GABRB1: variants seen among roughly 807,000 people sequenced by gnomAD.
GABRB1 encodes gamma-aminobutyric acid receptor subunit beta-1.
In GABRB1, 17 loss-of-function variants were observed where a neutral mutation model predicts 51.6. That is an observed-to-expected ratio of 0.33 (90% CI 0.23 to 0.49). The LOEUF (loss-of-function observed/expected upper bound fraction) is 0.49, where lower values mean the gene tolerates loss of function less well. Among genes scored for constraint, GABRB1 ranks in the 20% least tolerant of loss-of-function variants. GABRB1 has a pLI of 0.99. For missense variants in GABRB1, 410 were observed against 600.6 expected, an observed-to-expected ratio of 0.68 and a Z score of 3.32; for synonymous variants, 247 against 218.9, an observed-to-expected ratio of 1.13 and a Z score of -1.14.
chr4:47,097,676 T>G (rs1714514491), intron 3 of GABRB1, among the ~76,000 whole-genome samples: 2 of 152,220 alleles, frequency 1.3e-5, no homozygotes, highest in African/African-American at 4.8e-5. Flanking sequence ...TAGTAGGTGC[T>G]TAATACATAT....
At chr4:47,042,106 A>T (rs1725870391) in intron 3 of GABRB1, among the ~76,000 whole-genome samples, 2 of 151,980 alleles carry the variant, frequency 1.3e-5, no homozygotes, top group African/African-American at 4.8e-5. Flanking sequence ...TATATTCTTC[A>T]TATTCTCTAT....
chr4:47,342,164 T>C (rs1464090885), intron 5 of GABRB1, among the ~76,000 whole-genome samples: 2 of 152,194 alleles, frequency 1.3e-5, no homozygotes, highest in African/African-American at 4.8e-5. Flanking sequence ...TCATTTACTT[T>C]TTCTTTTTTT....
intron 4 of GABRB1, among the ~76,000 whole-genome samples, chr4:47,317,045 C>G (rs762523762): frequency 2.0e-5 from 3 of 151,870 alleles, no homozygotes; most frequent in Non-Finnish European, 2.9e-5. Flanking sequence ...GGTCCCTTAT[C>G]AAATTTGTAA....
chr4:47,281,684 T>C (rs1723299376), intron 4 of GABRB1, among the ~76,000 whole-genome samples: 1 of 152,176 alleles, frequency 6.6e-6, no homozygotes, highest in Non-Finnish European at 1.5e-5. Context: ...CAAAAGGTGG[T>C]ATATATACAC....
chr4:47,294,604 A>G (rs573987773), intron 4 of GABRB1, among the ~76,000 whole-genome samples: 16 of 152,322 alleles, frequency 1.1e-4, no homozygotes, highest in African/African-American at 3.6e-4. Flanking sequence ...GCAGCCGGGA[A>G]GCTCGAATTG....
intron 3 of GABRB1, among the ~76,000 whole-genome samples, chr4:47,117,036 A>G (rs939742712): frequency 1.3e-4 from 20 of 152,126 alleles, no homozygotes; most frequent in African/African-American, 4.8e-4. Context: ...CTGCCAGGCC[A>G]TTCCTCCAAC....
chr4:47,272,552 G>A (rs1028075998), intron 4 of GABRB1, among the ~76,000 whole-genome samples: 1 of 151,802 alleles, frequency 6.6e-6, no homozygotes, highest in African/African-American at 2.4e-5. Context: ...AATTATAACT[G>A]GTAATTACAG....
intron 3 of GABRB1, among the ~76,000 whole-genome samples, chr4:47,038,692 C>T (rs1452715020): frequency 6.6e-6 from 1 of 152,114 alleles, no homozygotes; most frequent in Admixed American, 6.5e-5. Context: ...TGATTTTTGC[C>T]TTGGCAAGCC....
chr4:47,254,334 A>G (rs1722101419), intron 4 of GABRB1, among the ~76,000 whole-genome samples: 1 of 140,912 alleles, frequency 7.1e-6, no homozygotes, highest in African/African-American at 2.7e-5. Context: ...CCTGGAATAT[A>G]CATGGTGGAT....
chr4:47,011,231 GC>G (rs941446213), intron 1 of GABRB1, among the ~76,000 whole-genome samples: 3 of 152,220 alleles, frequency 2.0e-5, no homozygotes, highest in Admixed American at 1.3e-4. Context: ...TTCCTGTTTT[GC>G]CCAAGACCTC....
At chr4:47,209,450 T>C (rs561286153) in intron 4 of GABRB1, among the ~76,000 whole-genome samples, 77 of 152,296 alleles carry the variant, frequency 5.1e-4, no homozygotes, top group African/African-American at 1.8e-3. Flanking sequence ...TATTCCAAAT[T>C]ATTCAGTAAT....
intron 5 of GABRB1, among the ~76,000 whole-genome samples, chr4:47,378,432 TCTCCCTCCACAC>T (rs1396353547): frequency 6.6e-6 from 1 of 151,530 alleles, no homozygotes; most frequent in Non-Finnish European, 1.5e-5. Flanking sequence ...CGCCCACACC[TCTCCCTCCACAC>T]CTCCCTGCAA....
chr4:47,092,554 G>A (rs749809670), intron 3 of GABRB1, among the ~76,000 whole-genome samples: 29 of 151,364 alleles, frequency 1.9e-4, no homozygotes, highest in African/African-American at 6.6e-4. Context: ...AGGAAAGAAG[G>A]AATTTGTGAA....
chr4:47,333,206 A>G (rs1161454369), intron 5 of GABRB1, among the ~76,000 whole-genome samples: 26 of 10,220 alleles, frequency 2.5e-3, no homozygotes, highest in African/African-American at 7.7e-3. Context: ...ATATATATAT[A>G]TATATATATA....
At chr4:47,079,938 T>G (rs1302761800) in intron 3 of GABRB1, among the ~76,000 whole-genome samples, 3 of 151,888 alleles carry the variant, frequency 2.0e-5, no homozygotes, top group Admixed American at 2.0e-4. Context: ...ACATGGCACA[T>G]GTATACATAT....
chr4:47,012,940 C>A (rs956936827), intron 1 of GABRB1, among the ~76,000 whole-genome samples: 1 of 152,208 alleles, frequency 6.6e-6, no homozygotes, highest in Non-Finnish European at 1.5e-5. Flanking sequence ...TATTCCACAA[C>A]AGATTCTGCC....
At chr4:47,343,510 G>A (rs1725978740) in intron 5 of GABRB1, among the ~76,000 whole-genome samples, 1 of 152,132 alleles carries the variant, frequency 6.6e-6, no homozygotes, top group Non-Finnish European at 1.5e-5. Flanking sequence ...AATTTGTTTT[G>A]ATGACCTTTC....
chr4:47,415,868 C>T (rs1315521640), intron 8 of GABRB1, among the ~76,000 whole-genome samples: 2 of 152,196 alleles, frequency 1.3e-5, no homozygotes, highest in African/African-American at 4.8e-5. Context: ...AGATCCTAGA[C>T]ATTCTAGCCA....
intron 4 of GABRB1, among the ~76,000 whole-genome samples, chr4:47,189,556 G>A (rs1025356314): frequency 6.6e-6 from 1 of 151,688 alleles, no homozygotes; most frequent in African/African-American, 2.4e-5. Context: ...ATTTATGGAG[G>A]GTATCGGATA....
Sources: gnomAD v4.1 joint callset for allele counts (sites outside exome capture counted in the v4.1 genomes callset) on GRCh38, gnomAD v4.1.1 for gene constraint, MANE v1.5 for transcripts, NCBI Gene and HGNC (gene_info 2026-07-23, HGNC 2026-07-21) for gene names.